The following CDH13 variants were observed in gnomAD, a reference collection of about 807,000 sequenced individuals.
CDH13 encodes the protein cadherin 13, also known as cadherin-13.
Under a neutral mutation model 63.8 loss-of-function variants are expected in CDH13, and 24 were observed. The ratio of observed to expected loss-of-function variants is 0.38; its 90% CI spans 0.27 to 0.53. The LOEUF (loss-of-function observed/expected upper bound fraction) is 0.53, where lower values mean the gene tolerates loss of function less well. Ranked by LOEUF, CDH13 falls within the 20% of genes least tolerant of loss-of-function variation. The pLI, the probability that CDH13 is intolerant of heterozygous loss-of-function variation, is 0.85. For missense variants in CDH13, 1,049 were observed against 903.1 expected, an observed-to-expected ratio of 1.16 and a Z score of -2.07; for synonymous variants, 503 against 355.3, an observed-to-expected ratio of 1.42 and a Z score of -4.67.
intron 2 of CDH13, among the ~76,000 whole-genome samples, chr16:83,018,924 G>C (rs759060849): frequency 1.3e-5 from 2 of 152,216 alleles, no homozygotes; most frequent in Non-Finnish European, 2.9e-5. Context: ...CACTTACTAC[G>C]AATAGAGGTG....
chr16:83,037,522 G>A (rs900362671), intron 3 of CDH13, among the ~76,000 whole-genome samples: 16 of 152,170 alleles, frequency 1.1e-4, no homozygotes, highest in Middle Eastern at 3.2e-3. Flanking sequence ...CCAGGATCCC[G>A]TATCTGGATG....
chr16:83,323,941 C>T (rs570766079), intron 5 of CDH13, among the ~76,000 whole-genome samples: 2 of 152,266 alleles, frequency 1.3e-5, no homozygotes, highest in South Asian at 2.1e-4. Flanking sequence ...AGATATAATT[C>T]ACACACCACA....
intron 7 of CDH13, among the ~76,000 whole-genome samples, chr16:83,528,702 T>G (rs2075016454): frequency 6.6e-6 from 1 of 152,240 alleles, no homozygotes; most frequent in Non-Finnish European, 1.5e-5. Flanking sequence ...TGCTGAGATG[T>G]AACGAACAGC....
At chr16:82,850,782 C>G (rs1433753298) in intron 1 of CDH13, among the ~76,000 whole-genome samples, 1 of 152,174 alleles carries the variant, frequency 6.6e-6, no homozygotes, top group African/African-American at 2.4e-5. Context: ...AAAATGGAGG[C>G]AAGACCCTCA....
At chr16:83,287,177 A>G (rs192607491) in intron 5 of CDH13, among the ~76,000 whole-genome samples, 17 of 152,352 alleles carry the variant, frequency 1.1e-4, no homozygotes, top group Admixed American at 3.3e-4. Context: ...AGAAAGGCCC[A>G]GGATGGCTAG....
At chr16:82,683,616 G>C (rs1914773934) in intron 1 of CDH13, among the ~76,000 whole-genome samples, 1 of 152,220 alleles carries the variant, frequency 6.6e-6, no homozygotes, top group African/African-American at 2.4e-5. Context: ...AAGGAATCAT[G>C]TGAGCATTCA....
At chr16:83,473,040 T>G (rs114598075) in intron 6 of CDH13, among the ~76,000 whole-genome samples, 3,819 of 152,218 alleles carry the variant, frequency 0.025, 165 homozygotes, top group African/African-American at 0.086. Context: ...GCTACCCCAG[T>G]CTGTGAGCCC....
At chr16:82,845,486 A>C (rs937535319) in intron 1 of CDH13, among the ~76,000 whole-genome samples, 2 of 152,180 alleles carry the variant, frequency 1.3e-5, no homozygotes, top group African/African-American at 4.8e-5. Flanking sequence ...TGGCTGAGGT[A>C]TTGGCTGCAG....
At chr16:82,951,029 G>A (rs868357688) in intron 2 of CDH13, among the ~76,000 whole-genome samples, 8 of 152,218 alleles carry the variant, frequency 5.3e-5, no homozygotes, top group East Asian at 1.9e-4. Flanking sequence ...TCACATCTTC[G>A]AGAAGAATTT....
intron 7 of CDH13, among the ~76,000 whole-genome samples, chr16:83,588,734 A>C (rs1171100175): frequency 2.0e-5 from 3 of 152,230 alleles, no homozygotes; most frequent in Non-Finnish European, 2.9e-5. Context: ...TTGAAGGAAA[A>C]GGTCTGGTTG....
chr16:82,708,421 G>A (rs906027407), intron 1 of CDH13, among the ~76,000 whole-genome samples: 1 of 152,148 alleles, frequency 6.6e-6, no homozygotes, highest in Admixed American at 6.5e-5. Context: ...GAGTTCAGAT[G>A]AGAGCTCTCC....
chr16:83,066,499 C>G (rs1660897875), intron 3 of CDH13, among the ~76,000 whole-genome samples: 1 of 152,126 alleles, frequency 6.6e-6, no homozygotes. Flanking sequence ...AGAACTGCCT[C>G]TTAGGGCTGA....
At chr16:83,428,021 A>C (rs1009291479) in intron 6 of CDH13, among the ~76,000 whole-genome samples, 2 of 152,158 alleles carry the variant, frequency 1.3e-5, no homozygotes, top group African/African-American at 4.8e-5. Context: ...CTCAAATTAA[A>C]ATTTTAGAGA....
At chr16:83,124,162 C>G (rs1460836658) in intron 3 of CDH13, among the ~76,000 whole-genome samples, 1 of 152,138 alleles carries the variant, frequency 6.6e-6, no homozygotes, top group African/African-American at 2.4e-5. Context: ...TCTCCTGCCT[C>G]AGCCTCCCTA....
intron 2 of CDH13, among the ~76,000 whole-genome samples, chr16:83,026,909 C>G (rs1431959791): frequency 6.6e-6 from 1 of 152,136 alleles, no homozygotes; most frequent in Non-Finnish European, 1.5e-5. Flanking sequence ...TAGGTCAGAG[C>G]TAAGCAGAGC....
rs566067249 is a variant in CDH13 at position 83,253,706 on chromosome 16, C to T, written c.636+36209C>T. ...AGATCATGTGAGTTAATACACAGGACATGCTTAGACAGGGGCTGGCACTGT... is the reference window on the plus strand; with the variant it reads ...AGATCATGTGAGTTAATACACAGGATATGCTTAGACAGGGGCTGGCACTGT... On this transcript the variant is annotated intron_variant, in intron 5 of 13. Coordinates refer to ENST00000567109, the MANE Select transcript of CDH13 (RefSeq NM_001257.5). Among the ~76,000 whole-genome samples the T allele has an allele frequency of 7.9e-5, 12 of 152,288 alleles. No individual in the cohort carries two copies. In the South Asian group the frequency reaches 1.5e-3, roughly 18 times the overall value.
intron 1 of CDH13, among the ~76,000 whole-genome samples, chr16:82,768,607 T>A (rs1465260081): frequency 6.6e-6 from 1 of 152,214 alleles, no homozygotes; most frequent in Non-Finnish European, 1.5e-5. Context: ...GGAATTAAAA[T>A]AGAAATCTTT....
intron 3 of CDH13, among the ~76,000 whole-genome samples, chr16:83,103,318 C>G (rs1399289973): frequency 5.9e-5 from 3 of 50,764 alleles, no homozygotes; most frequent in African/African-American, 1.6e-4. Flanking sequence ...GAACTCAGCT[C>G]TCACTGCAAC....
intron 3 of CDH13, among the ~76,000 whole-genome samples, chr16:83,046,815 C>T (rs11861743): frequency 0.26 from 40,141 of 152,000 alleles, 5,668 homozygotes; most frequent in East Asian, 0.32. Flanking sequence ...CCTTCCTCTC[C>T]AACCTTGTTA....
Sources: allele counts gnomAD v4.1 joint callset (sites outside exome capture counted in the v4.1 genomes callset), GRCh38; gene constraint gnomAD v4.1.1; transcripts MANE v1.5; gene names NCBI Gene and HGNC (gene_info 2026-07-23, HGNC 2026-07-21).